Variants in KCNMA1 observed in about 807,000 individuals in gnomAD.
The protein encoded by KCNMA1 is potassium calcium-activated channel subfamily M alpha 1.
KCNMA1 carries 29 observed loss-of-function variants against 140.0 expected under a neutral mutation model. The ratio of observed to expected loss-of-function variants is 0.21; its 90% CI spans 0.15 to 0.28. KCNMA1 has a LOEUF of 0.28. Ranked by LOEUF, KCNMA1 falls within the 10% of genes least tolerant of loss-of-function variation. The pLI is 1.00. For missense variants in KCNMA1, 880 were observed against 1,602.2 expected (o/e 0.55, Z 7.70); for synonymous variants, 612 against 611.9 (o/e 1.00, Z 0.00).
intron 2 of KCNMA1, among the ~76,000 whole-genome samples, chr10:77,382,564 C>G (rs2095427321): frequency 6.6e-6 from 1 of 151,986 alleles, no homozygotes; most frequent in African/African-American, 2.4e-5. Flanking sequence ...AATTTAAAGA[C>G]AAATAATATT....
At chr10:77,346,005 T>C (rs1462693201) in intron 2 of KCNMA1, among the ~76,000 whole-genome samples, 1 of 152,204 alleles carries the variant, frequency 6.6e-6, no homozygotes, top group Non-Finnish European at 1.5e-5. Flanking sequence ...CTTGAATACA[T>C]ACTCCCTTCC....
At chr10:77,012,404 G>A in intron 17 of KCNMA1, 1 of 1,540,916 alleles carries the variant, frequency 6.5e-7, no homozygotes, top group Non-Finnish European at 8.8e-7. Context: ...CCTTGGTGGG[G>A]AAGTTAAATA....
intron 2 of KCNMA1, among the ~76,000 whole-genome samples, chr10:77,289,683 G>C (rs1481078334): frequency 6.6e-6 from 1 of 152,072 alleles, no homozygotes; most frequent in Non-Finnish European, 1.5e-5. Context: ...TGTTTTAATG[G>C]CTATTTCAAT....
chr10:77,317,526 G>T (rs944244645), intron 2 of KCNMA1, among the ~76,000 whole-genome samples: 1 of 152,256 alleles, frequency 6.6e-6, no homozygotes, highest in Non-Finnish European at 1.5e-5. Flanking sequence ...AGAGGGAGAT[G>T]AGGTTCTGAA....
chr10:76,881,374 G>C (rs1197221657), downstream of KCNMA1, among the ~76,000 whole-genome samples: 2 of 152,188 alleles, frequency 1.3e-5, no homozygotes, highest in African/African-American at 4.8e-5. Context: ...CAGTACCCTT[G>C]AAGCACTTAC....
At chr10:77,460,535 A>G (rs891698130) in intron 1 of KCNMA1, among the ~76,000 whole-genome samples, 2 of 147,362 alleles carry the variant, frequency 1.4e-5, no homozygotes, top group Non-Finnish European at 3.1e-5. Flanking sequence ...ACACGTGCAC[A>G]CACACACACA....
intron 1 of KCNMA1, among the ~76,000 whole-genome samples, chr10:77,527,095 G>C (rs553420182): frequency 6.6e-6 from 1 of 152,358 alleles, no homozygotes; most frequent in East Asian, 1.9e-4. Flanking sequence ...AAGGCCCACT[G>C]TTCAGTTCCA....
intron 1 of KCNMA1, among the ~76,000 whole-genome samples, chr10:77,576,401 G>A (rs775956697): frequency 1.3e-5 from 2 of 152,194 alleles, no homozygotes; most frequent in South Asian, 2.1e-4. Flanking sequence ...TTCTCCCTAC[G>A]AAACAATCCC....
intron 2 of KCNMA1, among the ~76,000 whole-genome samples, chr10:77,349,534 C>G (rs2092613657): frequency 6.6e-6 from 1 of 152,202 alleles, no homozygotes; most frequent in African/African-American, 2.4e-5. Context: ...GGCTCCCAAC[C>G]CACTGGGTGA....
chr10:77,321,692 T>G (rs2082369681), intron 2 of KCNMA1, among the ~76,000 whole-genome samples: 1 of 152,208 alleles, frequency 6.6e-6, no homozygotes, highest in Admixed American at 6.5e-5. Context: ...ATGAGTCTAT[T>G]TTTAATTCCT....
At chr10:77,314,874 G>A (rs1298305889) in intron 2 of KCNMA1, among the ~76,000 whole-genome samples, 1 of 150,620 alleles carries the variant, frequency 6.6e-6, no homozygotes, top group Non-Finnish European at 1.5e-5. Context: ...ACAACCCTCA[G>A]GAAGAAATGT....
intron 1 of KCNMA1, among the ~76,000 whole-genome samples, chr10:77,563,859 G>A (rs924473512): frequency 2.0e-5 from 3 of 152,186 alleles, no homozygotes; most frequent in African/African-American, 4.8e-5. Flanking sequence ...CCCTGGTCCC[G>A]GCTCTGCCAC....
intron 27 of KCNMA1, chr10:76,887,898 T>C (rs758955518): frequency 6.9e-6 from 2 of 287,910 alleles, no homozygotes; most frequent in Non-Finnish European, 1.3e-5. Flanking sequence ...ATCCCAGATA[T>C]ACATCACAAG....
rs115179959 is a variant in KCNMA1 at position 77,457,834 on chromosome 10, C to T, written c.379-53811G>A. Among the ~76,000 whole-genome samples the T allele has an allele frequency of 7.6e-3, 1,156 of 152,166 alleles. 20 individuals are homozygous for T. Among genetic ancestry groups the T allele is most frequent in the African/African-American group, 0.027 (1,108 of 41,498 alleles). ...GGGCTGGGAAAACCCATGTTGCCTG[C>T]GAGTGCAGTGCCTCCATCCTGTCTG... On this transcript the variant is annotated intron_variant, in intron 1 of 27. Transcript: ENST00000286628.
chr10:77,004,500 C>T lies in KCNMA1; in HGVS notation c.2093-2920G>A, dbSNP rs1212245876. Among the ~76,000 whole-genome samples, 6 of 152,194 alleles carry T rather than the reference C, an allele frequency of 3.9e-5. No homozygotes were observed. In the East Asian group the frequency reaches 7.7e-4, roughly 20 times the overall value. On this transcript the variant is annotated intron_variant, in intron 18 of 27. Coordinates refer to ENST00000286628, the MANE Select transcript of KCNMA1 (RefSeq NM_001161352.2). ...AGGTAAGACCTCCCATCTGGTGGAG[C>T]GATTCATCAGGCTTGAAGGATATGA...
At chr10:77,165,701 G>A (rs1206169316) in intron 5 of KCNMA1, among the ~76,000 whole-genome samples, 3 of 152,100 alleles carry the variant, frequency 2.0e-5, no homozygotes, top group African/African-American at 7.2e-5. Flanking sequence ...TACTTAGCCC[G>A]AACACGTATA....
intron 1 of KCNMA1, among the ~76,000 whole-genome samples, chr10:77,501,379 G>A: frequency 6.6e-6 from 1 of 152,188 alleles, no homozygotes; most frequent in South Asian, 2.1e-4. Flanking sequence ...GGTGTTGAGG[G>A]TGAACTCCTC....
At chr10:77,403,829 G>C (rs201930444) in intron 2 of KCNMA1, 33 bp downstream of exon 2, 4 of 1,596,198 alleles carry the variant, frequency 2.5e-6, no homozygotes, top group Non-Finnish European at 3.4e-6. Flanking sequence ...AGACAGCAAG[G>C]CCTCCTGGTG....
At chr10:77,594,208 T>C (rs1358498629) in intron 1 of KCNMA1, among the ~76,000 whole-genome samples, 1 of 152,214 alleles carries the variant, frequency 6.6e-6, no homozygotes, top group East Asian at 1.9e-4. Context: ...GTTCTGTCCC[T>C]GCCATCCAAG....
Sources: gnomAD v4.1 joint callset for allele counts (sites outside exome capture counted in the v4.1 genomes callset) on GRCh38, gnomAD v4.1.1 for gene constraint, MANE v1.5 for transcripts, NCBI Gene and HGNC (gene_info 2026-07-23, HGNC 2026-07-21) for gene names.